TRAPPC8: variants seen among roughly 807,000 people sequenced by gnomAD.
The protein encoded by TRAPPC8 is trafficking protein particle complex subunit 8, also known as general sporulation gene 1 homolog.
Under a neutral mutation model 174.3 loss-of-function variants are expected in TRAPPC8, and 54 were observed. That is an observed-to-expected ratio of 0.31 (90% confidence interval 0.25 to 0.39). The LOEUF (loss-of-function observed/expected upper bound fraction) is 0.39. Among genes scored for constraint, TRAPPC8 ranks in the 10% least tolerant of loss-of-function variants. The pLI, the probability that TRAPPC8 is intolerant of heterozygous loss-of-function variation, is 1.00. For synonymous variants in TRAPPC8, 630 were observed against 579.9 expected (o/e 1.09, Z -1.24); for missense variants, 1,531 against 1,699.1 (o/e 0.90, Z 1.74).
intron 21 of TRAPPC8, 48 bp from the exon 22 acceptor site, chr18:31,853,993 T>A: frequency 7.1e-7 from 1 of 1,417,974 alleles, no homozygotes; most frequent in Non-Finnish European, 9.8e-7. Flanking sequence ...AAGCACTAAA[T>A]CAGAATGTTC....
chr18:31,908,782 T>A lies in TRAPPC8; in HGVS notation c.1094A>T (p.Glu365Val). 6.2e-7 allele frequency: 1 copy of A among 1,610,246 alleles called. No homozygotes were observed. The change falls in exon 7 of 29, where the codon GAG becomes GTG. Residue 365 changes from glutamate (E) to valine (V), a missense_variant. Coordinates refer to ENST00000283351, the MANE Select transcript of TRAPPC8 (RefSeq NM_014939.5). ...ATCGTTTAATTGCCTAATTGTTTTC[T>A]CTATATGTGGCAAAAGGCCCCGAAA... ...FTFRGLLPHIEKTIRQLNDQL... is the reference protein window; with the variant it reads ...FTFRGLLPHIVKTIRQLNDQL...
chr18:31,857,922 C>T lies in TRAPPC8; in HGVS notation c.2806G>A (p.Glu936Lys), dbSNP rs1400604411. Residue 936 changes from glutamate to lysine, a missense_variant, in exon 20 of 29, where the codon GAA becomes AAA. Physicochemically the swap from Glu to Lys is moderately conservative, Grantham distance 56. Transcript: ENST00000283351. ...GGACATTTGCTGACATTGACAAATT[C>T]TACATATGCTTTTCGGATTTCTCCA... is the stretch of plus-strand genomic sequence containing the variant. ...LCGEIRKAYV[E>K]FVNVSKCPLT... The T allele has an allele frequency of 6.2e-7, 1 of 1,614,062 alleles. No homozygotes were observed. Among genetic ancestry groups the T allele is most frequent in the African/African-American group, 1.3e-5 (1 of 75,022 alleles).
intron 2 of TRAPPC8, among the ~76,000 whole-genome samples, chr18:31,919,996 C>G (rs1458415685): frequency 6.6e-6 from 1 of 152,106 alleles, no homozygotes; most frequent in South Asian, 2.1e-4. Flanking sequence ...TCACCCACCA[C>G]GAACACCTAC....
intron 8 of TRAPPC8, 150 bp downstream of exon 8, chr18:31,908,153 T>C (rs2036745440): frequency 2.2e-6 from 1 of 446,598 alleles, no homozygotes; most frequent in Non-Finnish European, 3.9e-6. Flanking sequence ...ATTAATATGA[T>C]TTACTTGAGT....
intron 12 of TRAPPC8, among the ~76,000 whole-genome samples, chr18:31,877,180 T>TG (rs1474147646): frequency 6.6e-6 from 1 of 152,062 alleles, no homozygotes; most frequent in Non-Finnish European, 1.5e-5. Context: ...CGGCTGGAAA[T>TG]GAACATGAAG....
At chr18:31,863,583 T>C (rs915864690) in intron 19 of TRAPPC8, among the ~76,000 whole-genome samples, 7 of 152,198 alleles carry the variant, frequency 4.6e-5, no homozygotes, top group African/African-American at 1.7e-4. Flanking sequence ...TGTAGTATGA[T>C]TGCATCTATA....
intron 12 of TRAPPC8, 36 bp from the exon 13 acceptor site, chr18:31,874,740 C>A: frequency 6.4e-7 from 1 of 1,562,468 alleles, no homozygotes; most frequent in South Asian, 1.2e-5. Flanking sequence ...TATTATACTC[C>A]AAATTTGTTT....
intron 12 of TRAPPC8, among the ~76,000 whole-genome samples, chr18:31,882,404 G>A (rs554955975): frequency 1.3e-5 from 2 of 152,060 alleles, no homozygotes; most frequent in Admixed American, 1.3e-4. Flanking sequence ...CTAAACAATG[G>A]GCATGCACGG....
chr18:31,908,040 T>C (rs2036738871), intron 8 of TRAPPC8, among the ~76,000 whole-genome samples: 2 of 152,222 alleles, frequency 1.3e-5, no homozygotes. Context: ...GAATGGTTAC[T>C]AATGAATACC....
chr18:31,909,667 C>T lies in TRAPPC8; in HGVS notation c.865G>A (p.Asp289Asn). Reference protein sequence around the residue: ...SLDGLDNEVKDGLPNNFRAHP... With the variant: ...SLDGLDNEVKNGLPNNFRAHP... ...AAACTTAGAGAAAATATATCAAGAC[C>T]TTTGACTTCGTTATCTAATCCATCC... is the stretch of plus-strand genomic sequence containing the variant. The change falls in exon 6 of 29, where the codon GAT becomes AAT. Residue 289 changes from aspartate to asparagine, a missense_variant and splice_region_variant. Coordinates refer to ENST00000283351, the MANE Select transcript of TRAPPC8 (RefSeq NM_014939.5). 1.3e-6 allele frequency: 2 copies of T among 1,593,850 alleles called. No homozygotes were observed. The highest frequency in any genetic ancestry group is 1.7e-6 in the Non-Finnish European group (2 of 1,174,656).
At chr18:31,856,259 C>T (rs535169630) in intron 20 of TRAPPC8, among the ~76,000 whole-genome samples, 77 of 152,202 alleles carry the variant, frequency 5.1e-4, no homozygotes, top group South Asian at 5.0e-3. Flanking sequence ...GCATGTACCA[C>T]CACACCCTAT....
chr18:31,929,034 T>G (rs569906897), intron 2 of TRAPPC8, among the ~76,000 whole-genome samples: 2 of 151,622 alleles, frequency 1.3e-5, no homozygotes, highest in East Asian at 1.9e-4. Flanking sequence ...TACAAAAAAT[T>G]AGCTGGGCGT....
chr18:31,913,257 C>T (rs2036994553), intron 5 of TRAPPC8, 112 bp downstream of exon 5: 8 of 1,240,364 alleles, frequency 6.4e-6, no homozygotes, highest in Admixed American at 3.1e-5. Flanking sequence ...TCTGACAGAT[C>T]AAAACTGACC....
At chr18:31,897,745 G>A in intron 11 of TRAPPC8, 41 bp downstream of exon 11, 3 of 1,327,976 alleles carry the variant, frequency 2.3e-6, no homozygotes, top group Admixed American at 2.7e-5. Flanking sequence ...AAAAAAAAAA[G>A]AACAATGCTA....
chr18:31,853,730 A>G, intron 22 of TRAPPC8, 119 bp downstream of exon 22: 1 of 693,784 alleles, frequency 1.4e-6, no homozygotes, highest in Non-Finnish European at 2.3e-6. Context: ...AACTAATGAA[A>G]TCACAATTTA....
intron 27 of TRAPPC8, among the ~76,000 whole-genome samples, chr18:31,836,193 A>C (rs1369185556): frequency 6.6e-6 from 1 of 152,232 alleles, no homozygotes; most frequent in Non-Finnish European, 1.5e-5. Context: ...ATCTGATTGA[A>C]TCAGCCCAAG....
rs1227228077 is a variant in TRAPPC8, at chr18:31,832,177, T to C, written c.3984-4A>G. On this transcript the variant is annotated splice_polypyrimidine_tract_variant and splice_region_variant and intron_variant, in intron 27 of 28. Coordinates refer to ENST00000283351, the MANE Select transcript of TRAPPC8 (RefSeq NM_014939.5). ...AGTGACTGGTACTAAACAAAGGCTATGGAAGAAAAATAAACAAAAAAGTTA... is the reference window on the plus strand; with the variant it reads ...AGTGACTGGTACTAAACAAAGGCTACGGAAGAAAAATAAACAAAAAAGTTA... 2.0e-6 allele frequency: 3 copies of C among 1,477,634 alleles called. No individual in the cohort carries two copies. The highest frequency in any genetic ancestry group is 1.8e-6 in the Non-Finnish European group (2 of 1,121,666). The allele number at this position is 1,477,634 out of a possible 1,614,324, so 91.5% of individuals were successfully genotyped here.
intron 27 of TRAPPC8, among the ~76,000 whole-genome samples, chr18:31,835,769 T>C (rs1354246653): frequency 2.0e-5 from 3 of 152,260 alleles, no homozygotes; most frequent in Non-Finnish European, 2.9e-5. Flanking sequence ...CTTGTTGATA[T>C]GGAAGTGAGG....
intron 12 of TRAPPC8, among the ~76,000 whole-genome samples, chr18:31,880,833 A>G (rs2035414017): frequency 6.6e-6 from 1 of 152,158 alleles, no homozygotes; most frequent in Non-Finnish European, 1.5e-5. Flanking sequence ...ATGCACAAAA[A>G]TCAGTTGTGT....
Sources: gnomAD v4.1 joint callset for allele counts (sites outside exome capture counted in the v4.1 genomes callset) on GRCh38, gnomAD v4.1.1 for gene constraint, MANE v1.5 for transcripts, NCBI Gene and HGNC (gene_info 2026-07-23, HGNC 2026-07-21) for gene names.